Variants in CA8 observed in about 807,000 individuals in gnomAD.
CA8 encodes the protein carbonic anhydrase-related protein.
In CA8, 22 loss-of-function variants were observed where a neutral mutation model predicts 41.4. That is an observed-to-expected ratio of 0.53 (90% CI 0.38 to 0.76). CA8 has a LOEUF of 0.76. Among genes scored for constraint, CA8 ranks in the 30% least tolerant of loss-of-function variants. CA8 has a pLI of 0.00. For synonymous variants in CA8, 121 were observed against 130.6 expected (o/e 0.93, Z 0.50); for missense variants, 270 against 352.8 (o/e 0.77, Z 1.88).
intron 3 of CA8, among the ~76,000 whole-genome samples, chr8:60,242,137 C>A (rs1041803348): frequency 1.3e-5 from 2 of 152,010 alleles, no homozygotes; most frequent in Non-Finnish European, 2.9e-5. Context: ...AAATTTATAG[C>A]CCAATAGAAG....
chr8:60,200,729 CT>C (rs1806399817), intron 8 of CA8, among the ~76,000 whole-genome samples: 6 of 110,940 alleles, frequency 5.4e-5, no homozygotes, highest in African/African-American at 1.6e-4. Flanking sequence ...ATGACAATAA[CT>C]AACCACCACA....
chr8:60,213,113 A>G lies in CA8; in HGVS notation c.739-4194T>C, dbSNP rs1012349728. ...CTTCTACCCCATTATATAATGTTCTATCTAAAACCAATGCTCCCTCTTCCT... is the reference window on the plus strand; with the variant it reads ...CTTCTACCCCATTATATAATGTTCTGTCTAAAACCAATGCTCCCTCTTCCT... On this transcript the variant is annotated intron_variant, in intron 7 of 8. Coordinates refer to ENST00000317995, the MANE Select transcript of CA8 (RefSeq NM_004056.6). Among the ~76,000 whole-genome samples, 3 of 152,268 alleles carry G rather than the reference A, an allele frequency of 2.0e-5. 1 individual carries two copies. Among genetic ancestry groups the G allele is most frequent in the South Asian group, 4.1e-4 (2 of 4,828 alleles).
intron 4 of CA8, among the ~76,000 whole-genome samples, chr8:60,230,043 G>A (rs1450365854): frequency 1.3e-5 from 2 of 152,070 alleles, no homozygotes; most frequent in Non-Finnish European, 2.9e-5. Flanking sequence ...ATCCCCTTCT[G>A]GTCTATTTCA....
At chr8:60,224,340 T>C (rs978251188) in intron 6 of CA8, among the ~76,000 whole-genome samples, 197 bp downstream of exon 6, 12 of 152,240 alleles carry the variant, frequency 7.9e-5, no homozygotes, top group Non-Finnish European at 2.9e-5. Flanking sequence ...ATGGAACTAG[T>C]GGCAAAGTGT....
At chr8:60,273,962 C>T (rs1336660250) in intron 2 of CA8, among the ~76,000 whole-genome samples, 1 of 152,176 alleles carries the variant, frequency 6.6e-6, no homozygotes, top group East Asian at 1.9e-4. Flanking sequence ...TAAGTTTAAG[C>T]ATTTAAATTA....
chr8:60,191,518 T>C (rs1180604104), intron 8 of CA8, among the ~76,000 whole-genome samples: 1 of 152,086 alleles, frequency 6.6e-6, no homozygotes, highest in Non-Finnish European at 1.5e-5. Context: ...TAAAATATGG[T>C]TCTTTAATTC....
At chr8:60,280,105 T>C (rs889930359) in intron 1 of CA8, among the ~76,000 whole-genome samples, 1 of 152,210 alleles carries the variant, frequency 6.6e-6, no homozygotes, top group Non-Finnish European at 1.5e-5. Context: ...CAAAATATTC[T>C]ATTTGTATTT....
chr8:60,220,651 C>T (rs1385665115), intron 7 of CA8, among the ~76,000 whole-genome samples: 2 of 152,178 alleles, frequency 1.3e-5, no homozygotes, highest in Admixed American at 6.5e-5. Context: ...TTGCACTCAG[C>T]GGGGGCTATC....
intron 2 of CA8, among the ~76,000 whole-genome samples, chr8:60,274,974 G>C (rs1041279832): frequency 2.0e-5 from 3 of 152,102 alleles, no homozygotes; most frequent in African/African-American, 7.2e-5. Context: ...CATCATGCAT[G>C]GTCAGGCATG....
chr8:60,271,245 G>A (rs1353477102), intron 2 of CA8, among the ~76,000 whole-genome samples: 2 of 152,070 alleles, frequency 1.3e-5, no homozygotes, highest in Non-Finnish European at 2.9e-5. Context: ...GACAGGCTGA[G>A]GTGGGCAGAT....
intron 1 of CA8, 140 bp downstream of exon 1, chr8:60,280,908 A>G (rs1033840531): frequency 7.2e-6 from 5 of 696,060 alleles, no homozygotes; most frequent in African/African-American, 5.3e-5. Flanking sequence ...GGGGAGTGGG[A>G]AAGTGGCAGA....
chr8:60,215,653 T>G (rs1806994706), intron 7 of CA8, among the ~76,000 whole-genome samples: 1 of 152,194 alleles, frequency 6.6e-6, no homozygotes, highest in Admixed American at 6.5e-5. Flanking sequence ...ATTGTGTTTT[T>G]TCTCCCTACA....
At chr8:60,200,652 TA>T (rs889786166) in intron 8 of CA8, among the ~76,000 whole-genome samples, 20 of 152,316 alleles carry the variant, frequency 1.3e-4, no homozygotes, top group African/African-American at 4.8e-4. Context: ...GGCCCATTTT[TA>T]AAAGACTTCA....
intron 8 of CA8, 40 bp downstream of exon 8, chr8:60,208,710 T>C (rs904812625): frequency 2.6e-6 from 4 of 1,555,654 alleles, no homozygotes; most frequent in East Asian, 4.5e-5. Context: ...TAGGTTTAAG[T>C]AGCTGTGCAC....
intron 2 of CA8, among the ~76,000 whole-genome samples, chr8:60,266,581 A>G (rs1803907713): frequency 6.6e-6 from 1 of 152,238 alleles, no homozygotes; most frequent in Non-Finnish European, 1.5e-5. Context: ...ACACTTTAAT[A>G]GCTGATGGAC....
intron 2 of CA8, among the ~76,000 whole-genome samples, chr8:60,268,132 G>C (rs1803958706): frequency 6.6e-6 from 1 of 152,172 alleles, no homozygotes. Flanking sequence ...CAACAGGTGA[G>C]CTCTATAACT....
rs541764335 is a variant in CA8, at chr8:60,232,764, A to G, written c.418-385T>C. On this transcript the variant is annotated intron_variant, in intron 3 of 8. Coordinates refer to ENST00000317995, the MANE Select transcript of CA8 (RefSeq NM_004056.6). Reference sequence around the variant, plus strand: ...TCATTCAAAGGATGAATACCTGCATAATCAAATACTGCATCACCCAGTACT... The same window carrying G: ...TCATTCAAAGGATGAATACCTGCATGATCAAATACTGCATCACCCAGTACT... The G allele has an allele frequency of 2.5e-4, 63 of 249,700 alleles. 1 individual carries two copies. The South Asian group carries it at 3.4e-3, about 13-fold the overall frequency. 15.5% of individuals were successfully genotyped at this position (249,700 alleles called of 1,614,324 possible).
rs1805984466 is a variant in CA8, at chr8:60,187,024, G to A, written c.*2997C>T. ...CTATAGAACACAGCATCCAACAACA[G>A]TACAATACATACTCTTAAGTACACA... On this transcript the variant is annotated 3_prime_UTR_variant, in exon 9 of 9. Transcript: ENST00000317995. Among the ~76,000 whole-genome samples, 1 of 151,902 alleles carries A rather than the reference G, an allele frequency of 6.6e-6. No individual in the cohort carries two copies. Among genetic ancestry groups the A allele is most frequent in the South Asian group, 2.1e-4 (1 of 4,826 alleles).
At chr8:60,195,125 T>A (rs1250995460) in intron 8 of CA8, among the ~76,000 whole-genome samples, 2 of 152,208 alleles carry the variant, frequency 1.3e-5, no homozygotes, top group Non-Finnish European at 2.9e-5. Flanking sequence ...TATCTACATC[T>A]AAATAATAAG....
Sources: gnomAD v4.1 joint callset for allele counts (sites outside exome capture counted in the v4.1 genomes callset) on GRCh38, gnomAD v4.1.1 for gene constraint, MANE v1.5 for transcripts, NCBI Gene and HGNC (gene_info 2026-07-23, HGNC 2026-07-21) for gene names.